FCAMR: variants seen among roughly 807,000 people sequenced by gnomAD.
FCAMR encodes the protein high affinity immunoglobulin alpha and immunoglobulin mu Fc receptor.
A neutral mutation model predicts 52.2 loss-of-function variants in FCAMR; 51 were observed. That is an observed-to-expected ratio of 0.98 (90% CI 0.78 to 1.23). The LOEUF (loss-of-function observed/expected upper bound fraction) is 1.23, where lower values mean the gene tolerates loss of function less well. Ranked by LOEUF, FCAMR falls within the 50% of genes most tolerant of loss-of-function variation. FCAMR has a pLI of 0.00. For synonymous variants in FCAMR, 282 were observed against 262.0 expected (o/e 1.08, Z -0.74); for missense variants, 719 against 712.6 (o/e 1.01, Z -0.10).
intron 4 of FCAMR, among the ~76,000 whole-genome samples, chr1:206,962,808 C>T (rs570675405): frequency 3.3e-5 from 5 of 152,170 alleles, no homozygotes; most frequent in Non-Finnish European, 7.3e-5. Context: ...CTATCCTGGT[C>T]CATCCAGAGC....
At chr1:206,959,955 G>A (rs1680436365) in intron 6 of FCAMR, 158 bp from the exon 7 acceptor site, 4 of 619,502 alleles carry the variant, frequency 6.5e-6, no homozygotes, top group South Asian at 5.7e-5. Context: ...CAGAGCTTGG[G>A]GCTAGAATCT....
intron 1 of FCAMR, among the ~76,000 whole-genome samples, chr1:206,969,699 G>T (rs2629685): frequency 1.3e-5 from 2 of 152,180 alleles, no homozygotes; most frequent in African/African-American, 2.4e-5. Flanking sequence ...GTGTAGTATA[G>T]AGGAGAGAGC....
Position 206,961,150 on chromosome 1 carries a change from A to C in FCAMR, c.726T>G (p.Ser242=). ...CTGGGGTCCATCTGTTGGCCACTGG[A>C]GACGCTGTTCCATAGGATCTCATGG... ...ELTMRSYGTA[S]PVANRWTPGT... Residue 242 remains serine, a synonymous_variant, in exon 6 of 8, where the codon TCT becomes TCG. Coordinates refer to ENST00000324852, the MANE Select transcript of FCAMR (RefSeq NM_001170631.2). The C allele has an allele frequency of 1.3e-6, 2 of 1,551,496 alleles. No homozygotes were observed. Among genetic ancestry groups the C allele is most frequent in the Non-Finnish European group, 1.7e-6 (2 of 1,146,942 alleles).
At chr1:206,961,590 G>A (rs1214537427) in intron 5 of FCAMR, among the ~76,000 whole-genome samples, 1 of 152,268 alleles carries the variant, frequency 6.6e-6, no homozygotes, top group Non-Finnish European at 1.5e-5. Context: ...AGAGCAGCCC[G>A]TTGCAGCAGG....
In FCAMR at chr1:206,970,168, A is replaced by C. The variant is rs1370626127; in HGVS notation, c.-43T>G. ...ATCCAGGTGGACTTTTCTTCTCCTT[A>C]TGAGATGCAGGTGTTTGGACGACTT... is the stretch of plus-strand genomic sequence containing the variant. On this transcript the variant is annotated 5_prime_UTR_variant, in exon 1 of 8. Transcript: ENST00000324852. The C allele has an allele frequency of 6.2e-7, 1 of 1,611,272 alleles. No homozygotes were observed. Among genetic ancestry groups the C allele is most frequent in the Non-Finnish European group, 8.5e-7 (1 of 1,177,738 alleles).
intron 5 of FCAMR, among the ~76,000 whole-genome samples, chr1:206,961,711 G>C (rs1458659524): frequency 6.6e-6 from 1 of 152,248 alleles, no homozygotes; most frequent in Non-Finnish European, 1.5e-5. Flanking sequence ...CCTATGCTCT[G>C]GGTGCCTGAC....
intron 7 of FCAMR, among the ~76,000 whole-genome samples, 172 bp downstream of exon 7, chr1:206,959,507 A>G (rs1680406272): frequency 6.6e-6 from 1 of 151,234 alleles, no homozygotes; most frequent in Non-Finnish European, 1.5e-5. Flanking sequence ...GAAAAGAAAG[A>G]AAAAAAGAAA....
intron 6 of FCAMR, 28 bp from the exon 7 acceptor site, chr1:206,959,825 G>A: frequency 1.3e-6 from 2 of 1,551,662 alleles, no homozygotes; most frequent in Non-Finnish European, 1.8e-6. Flanking sequence ...AGAGCACAGG[G>A]GAGAGGAGGT....
At chr1:206,958,746 C>T in intron 7 of FCAMR, 70 bp from the exon 8 acceptor site, 1 of 1,584,978 alleles carries the variant, frequency 6.3e-7, no homozygotes, top group South Asian at 1.1e-5. Context: ...TCCTAAGAAC[C>T]ACTCCCAACC....
chr1:206,967,322 G>A (rs781443107), intron 2 of FCAMR, among the ~76,000 whole-genome samples: 31 of 152,238 alleles, frequency 2.0e-4, no homozygotes, highest in East Asian at 1.5e-3. Flanking sequence ...TTTTGGTCAC[G>A]TCCACGAGGC....
At chr1:206,969,158 C>G (rs1052869425) in intron 1 of FCAMR, 15 of 336,772 alleles carry the variant, frequency 4.5e-5, no homozygotes, top group African/African-American at 2.8e-4. Flanking sequence ...TAGACTCCCC[C>G]GGGTGAATTT....
Position 206,967,616 on chromosome 1 carries a change from G to A in FCAMR, c.75C>T (p.Ser25=). 3 of 1,614,146 alleles carry A rather than the reference G, an allele frequency of 1.9e-6. No homozygotes were observed. The highest frequency in any genetic ancestry group is 2.5e-6 in the Non-Finnish European group (3 of 1,179,996). ...GTGGTAAAGTGCCAGCAATGAGCCT[G>A]GAGTAGTCCACTTCTCTTCCTCTCC... ...VVRRGREVDY[S]RLIAGTLPQS... Residue 25 remains serine, a synonymous_variant, in exon 2 of 8, where the codon TCC becomes TCT. Coordinates refer to ENST00000324852, the MANE Select transcript of FCAMR (RefSeq NM_001170631.2).
chr1:206,969,564 A>G (rs937870780), intron 1 of FCAMR, among the ~76,000 whole-genome samples: 1 of 152,032 alleles, frequency 6.6e-6, no homozygotes, highest in Non-Finnish European at 1.5e-5. Context: ...CATGCACCTC[A>G]CCTCAGCTTC....
rs1162661181 is a variant in FCAMR, at chr1:206,967,606, C to G, written c.85G>C (p.Ala29Pro). Residue 29 changes from alanine to proline, a missense_variant, in exon 2 of 8, where the codon GCT becomes CCT. Ala to Pro is a conservative substitution (Grantham distance 27). Transcript: ENST00000324852. The stretch of plus-strand genomic sequence containing the variant: ...ACGTGAGATTGTGGTAAAGTGCCAG[C>G]AATGAGCCTGGAGTAGTCCACTTCT... Reference protein sequence around the residue: ...GREVDYSRLIAGTLPQSHVTS... With the variant: ...GREVDYSRLIPGTLPQSHVTS... 16 of 1,614,042 alleles carry G rather than the reference C, an allele frequency of 9.9e-6. No homozygotes were observed. The highest frequency in any genetic ancestry group is 1.3e-5 in the Non-Finnish European group (15 of 1,179,994).
chr1:206,967,512 T>A, intron 2 of FCAMR, 71 bp downstream of exon 2: 1 of 1,497,732 alleles, frequency 6.7e-7, no homozygotes, highest in Admixed American at 1.7e-5. Flanking sequence ...CTTGGAAGGT[T>A]AGTCTCAGGG....
Position 206,958,526 on chromosome 1 carries a change from G to A in FCAMR, c.1724C>T (p.Pro575Leu). Residue 575 changes from proline to leucine, a missense_variant, in exon 8 of 8, where the codon CCA (proline) becomes CTA (leucine). Physicochemically the swap from Pro to Leu is moderately conservative, Grantham distance 98 (BLOSUM62 -3). Transcript: ENST00000324852. ...GASLTAPERN[P>L]GP ...TCATCTCTCTGTCCCTCAGGGTCCT[G>A]GATTTCTCTCTGGGGCAGTCAGGCT... 6.2e-7 allele frequency: 1 copy of A among 1,612,196 alleles called. No homozygotes were observed. Among genetic ancestry groups the A allele is most frequent in the Non-Finnish European group, 8.5e-7 (1 of 1,179,668 alleles).
chr1:206,967,955 T>C (rs1253369275), intron 1 of FCAMR, among the ~76,000 whole-genome samples: 2 of 152,206 alleles, frequency 1.3e-5, no homozygotes, highest in Non-Finnish European at 2.9e-5. Flanking sequence ...AGATGTGAAA[T>C]GCACAGCTAT....
rs147389157 is a variant in FCAMR, at chr1:206,962,483, G to A, written c.382C>T (p.His128Tyr). 10,062 of 1,609,878 alleles carry A rather than the reference G, an allele frequency of 6.3e-3. 49 individuals carry two copies. The highest frequency in any genetic ancestry group is 7.3e-3 in the Non-Finnish European group (8,637 of 1,176,514). ...EPGGAVTIQC[H>Y]YAPSSVNRHQ... ...CTGTTGACAGATGAGGGGGCATAAT[G>A]GCACTGGATGGTGACAGCTCCTCCA... is the stretch of plus-strand genomic sequence containing the variant. The change falls in exon 5 of 8, where the codon CAT becomes TAT. Residue 128 changes from histidine to tyrosine, a missense_variant. Coordinates refer to ENST00000324852, the MANE Select transcript of FCAMR (RefSeq NM_001170631.2).
rs766522665 is a variant in FCAMR, at chr1:206,960,627, T to A, written c.1249A>T (p.Thr417Ser). The A allele has an allele frequency of 1.9e-6, 3 of 1,551,734 alleles. No homozygotes were observed. The African/African-American group carries it at 4.1e-5, about 21-fold the overall frequency. ...ACATCTGCAGCTGGAGTTCCCAAGGTCCACATGCCTGCAGCTGGAGTTGTT... is the reference window on the plus strand; with the variant it reads ...ACATCTGCAGCTGGAGTTCCCAAGGACCACATGCCTGCAGCTGGAGTTGTT... ...GETTPAAGMW[T>S]LGTPAADVWI... Residue 417 changes from threonine to serine, a missense_variant, in exon 6 of 8, where the codon ACC becomes TCC. By Grantham distance (58) the Thr-to-Ser change is moderately conservative. Transcript: ENST00000324852.
Sources: allele counts gnomAD v4.1 joint callset (sites outside exome capture counted in the v4.1 genomes callset), GRCh38; gene constraint gnomAD v4.1.1; transcripts MANE v1.5; gene names NCBI Gene and HGNC (gene_info 2026-07-23, HGNC 2026-07-21).